NDUFA8: variants seen among roughly 807,000 people sequenced by gnomAD.
NDUFA8 encodes the protein NADH dehydrogenase [ubiquinone] 1 alpha subcomplex subunit 8.
Under a neutral mutation model 20.9 loss-of-function variants are expected in NDUFA8, and 16 were observed. The observed-to-expected ratio is 0.77, with a 90% CI of 0.52 to 1.16. NDUFA8 has a LOEUF of 1.16. NDUFA8 is among the 50% of genes most tolerant of loss of function. The pLI, the probability that NDUFA8 is intolerant of heterozygous loss-of-function variation, is 0.00. For missense variants in NDUFA8, 202 were observed against 216.4 expected, an observed-to-expected ratio of 0.93 and a Z score of 0.42; for synonymous variants, 70 against 76.1, an observed-to-expected ratio of 0.92 and a Z score of 0.41.
At chr9:122,132,502 G>C in the NDUFA8 span, among the ~76,000 whole-genome samples, 1 of 152,128 alleles carries the variant, frequency 6.6e-6, no homozygotes, top group Admixed American at 6.5e-5. Context: ...TTCATCTCAG[G>C]CTGGAGCTGG....
downstream of NDUFA8, among the ~76,000 whole-genome samples, chr9:122,143,580 C>T (rs1828852312): frequency 6.6e-6 from 1 of 152,164 alleles, no homozygotes; most frequent in Non-Finnish European, 1.5e-5. Context: ...GGAAGTTCAG[C>T]CTCCACCTCC....
At chr9:122,147,223 A>G (rs1461814559) in intron 3 of NDUFA8, among the ~76,000 whole-genome samples, 1 of 151,616 alleles carries the variant, frequency 6.6e-6, no homozygotes, top group African/African-American at 2.4e-5. Flanking sequence ...AGATAACAGC[A>G]GCAGGAACAA....
At chr9:122,135,458 G>T in the NDUFA8 span, among the ~76,000 whole-genome samples, 1 of 152,194 alleles carries the variant, frequency 6.6e-6, no homozygotes, top group African/African-American at 2.4e-5. Context: ...GCCTGGGCGA[G>T]ACACTTCACT....
At chr9:122,142,451 C>T (rs1556217), downstream of NDUFA8, among the ~76,000 whole-genome samples, 112,883 of 152,084 alleles carry the variant, frequency 0.74, 42,370 homozygotes, top group African/African-American at 0.81. Flanking sequence ...AGAATCTCTG[C>T]GGGTAGGATC....
chr9:122,152,099 A>G (rs1053312046), intron 2 of NDUFA8, 146 bp downstream of exon 2: 2 of 915,692 alleles, frequency 2.2e-6, no homozygotes, highest in African/African-American at 1.7e-5. Flanking sequence ...ACCAAAAATA[A>G]TTATCATCCT....
chr9:122,145,112 C>A (rs1283143901), intron 3 of NDUFA8, among the ~76,000 whole-genome samples: 1 of 152,242 alleles, frequency 6.6e-6, no homozygotes, highest in African/African-American at 2.4e-5. Context: ...TAATACCACA[C>A]TACAGTGGTG....
At chr9:122,142,500 T>C (rs1447566459), downstream of NDUFA8, among the ~76,000 whole-genome samples, 2 of 152,190 alleles carry the variant, frequency 1.3e-5, no homozygotes, top group Non-Finnish European at 2.9e-5. Context: ...GTGATTCCAA[T>C]GTGCACTCAA....
chr9:122,138,285 C>A, the NDUFA8 span, among the ~76,000 whole-genome samples: 1 of 152,138 alleles, frequency 6.6e-6, no homozygotes, highest in Non-Finnish European at 1.5e-5. Flanking sequence ...ATTTATATTT[C>A]TTGCATGCAA....
chr9:122,148,400 T>C, intron 2 of NDUFA8, 123 bp from the exon 3 acceptor site: 1 of 1,080,020 alleles, frequency 9.3e-7, no homozygotes, highest in Non-Finnish European at 1.4e-6. Flanking sequence ...TGTGAGTACA[T>C]ATTCTTATCT....
At chr9:122,135,288 C>T in the NDUFA8 span, among the ~76,000 whole-genome samples, 1 of 152,218 alleles carries the variant, frequency 6.6e-6, no homozygotes, top group African/African-American at 2.4e-5. Context: ...TACAAAACCA[C>T]CCCAGAAGGG....
At chr9:122,145,463 A>T (rs970266646) in intron 3 of NDUFA8, among the ~76,000 whole-genome samples, 1 of 151,876 alleles carries the variant, frequency 6.6e-6, no homozygotes, top group African/African-American at 2.4e-5. Flanking sequence ...ATAAGGCCAC[A>T]GCTGTCAGCA....
chr9:122,144,266 C>T lies in NDUFA8; in HGVS notation c.494G>A (p.Ser165Asn). ...EGDLQPATHG[S>N]RFYFWTK ...TTACTTGGTCCAGAAATAAAAGCGG[C>T]TGCCATGTGTGGCAGGCTGCAGATC... Residue 165 changes from serine (S) to asparagine (N), a missense_variant, in exon 4 of 4, where the codon AGC becomes AAC. Transcript: ENST00000373768. 1 of 1,614,108 alleles carries T rather than the reference C, an allele frequency of 6.2e-7. No individual in the cohort carries two copies. The highest frequency in any genetic ancestry group is 8.5e-7 in the Non-Finnish European group (1 of 1,180,026).
At chr9:122,145,157 G>C (rs1828888689) in intron 3 of NDUFA8, among the ~76,000 whole-genome samples, 3 of 152,194 alleles carry the variant, frequency 2.0e-5, no homozygotes, top group African/African-American at 7.2e-5. Flanking sequence ...TAAATGATAT[G>C]CAAAGGTGTT....
downstream of NDUFA8, among the ~76,000 whole-genome samples, chr9:122,141,663 AG>A (rs1828822763): frequency 6.6e-6 from 1 of 152,340 alleles, no homozygotes; most frequent in South Asian, 2.1e-4. Flanking sequence ...CCAAACCACC[AG>A]GAAGATTTTC....
the NDUFA8 span, among the ~76,000 whole-genome samples, chr9:122,137,463 A>G: frequency 2.6e-5 from 4 of 151,772 alleles, no homozygotes; most frequent in African/African-American, 9.7e-5. Context: ...CTAGTCTCAA[A>G]CTCCTGAACT....
At chr9:122,139,960 TGG>T (rs1289963376), downstream of NDUFA8, among the ~76,000 whole-genome samples, 1 of 152,248 alleles carries the variant, frequency 6.6e-6, no homozygotes, top group African/African-American at 2.4e-5. Flanking sequence ...CCCAAAGTGC[TGG>T]GATTACAGGC....
downstream of NDUFA8, among the ~76,000 whole-genome samples, chr9:122,142,630 G>A (rs1433615356): frequency 3.3e-5 from 5 of 152,084 alleles, no homozygotes; most frequent in African/African-American, 9.7e-5. Context: ...TTAACCTCTC[G>A]CTAAACTTTA....
chr9:122,138,874 G>C, the NDUFA8 span, among the ~76,000 whole-genome samples: 1 of 138,742 alleles, frequency 7.2e-6, no homozygotes, highest in African/African-American at 2.6e-5. Context: ...GTGGGGGGGG[G>C]GCCATCTGAG....
intron 1 of NDUFA8, among the ~76,000 whole-genome samples, chr9:122,153,406 T>TAGTCCATCTAGTAAC (rs1829034625): frequency 6.6e-6 from 1 of 152,072 alleles, no homozygotes; most frequent in African/African-American, 2.4e-5. Context: ...CATCTAGTAA[T>TAGTCCATCTAGTAAC]AGTCCATCTA....
Sources: gnomAD v4.1 joint callset for allele counts (sites outside exome capture counted in the v4.1 genomes callset) on GRCh38, gnomAD v4.1.1 for gene constraint, MANE v1.5 for transcripts, NCBI Gene and HGNC (gene_info 2026-07-23, HGNC 2026-07-21) for gene names.